The following HDGFL2 variants were observed in gnomAD, a reference collection of about 807,000 sequenced individuals.
HDGFL2 encodes the protein HDGF like 2, also known as hepatoma-derived growth factor-related protein 2.
Under a neutral mutation model 77.1 loss-of-function variants are expected in HDGFL2, and 36 were observed. The observed-to-expected ratio is 0.47, with a 90% CI of 0.36 to 0.62. The LOEUF is 0.62. Among genes scored for constraint, HDGFL2 ranks in the 20% least tolerant of loss-of-function variants. The pLI is 0.00. For missense variants in HDGFL2, 976 were observed against 973.4 expected (o/e 1.00, Z -0.04); for synonymous variants, 463 against 413.1 (o/e 1.12, Z -1.46).
intron 3 of HDGFL2, among the ~76,000 whole-genome samples, chr19:4,481,108 G>A (rs1225697060): frequency 3.1e-4 from 45 of 147,290 alleles, no homozygotes; most frequent in Non-Finnish European, 5.2e-4. Flanking sequence ...TACAAGCTCC[G>A]CCTCCTGGGT....
At chr19:4,492,125 C>T (rs970235764) in intron 6 of HDGFL2, among the ~76,000 whole-genome samples, 1 of 152,046 alleles carries the variant, frequency 6.6e-6, no homozygotes, top group Admixed American at 6.6e-5. Flanking sequence ...AGCAAGAGCG[C>T]GAGAGGGACA....
intron 10 of HDGFL2, chr19:4,497,180 A>T (rs1170147072): frequency 2.4e-6 from 1 of 416,816 alleles, no homozygotes; most frequent in Non-Finnish European, 4.6e-6. Flanking sequence ...GCTGCAGCCC[A>T]CGTTTTTGTT....
At chr19:4,473,561 G>A (rs1397944854) in intron 1 of HDGFL2, among the ~76,000 whole-genome samples, 2 of 151,726 alleles carry the variant, frequency 1.3e-5, no homozygotes, top group African/African-American at 4.8e-5. Flanking sequence ...GTGGGTCCTG[G>A]AGAAGCCCAG....
At chr19:4,487,420 C>CA (rs1975391057) in intron 3 of HDGFL2, among the ~76,000 whole-genome samples, 1 of 152,008 alleles carries the variant, frequency 6.6e-6, no homozygotes, top group African/African-American at 2.4e-5. Flanking sequence ...CCACACCTTG[C>CA]TAATATGTGC....
intron 3 of HDGFL2, among the ~76,000 whole-genome samples, chr19:4,484,668 T>A (rs1056166702): frequency 1.7e-5 from 1 of 59,898 alleles, no homozygotes; most frequent in African/African-American, 1.0e-4. Flanking sequence ...CCTGGCTAAT[T>A]TTTTTTTTTT....
intron 9 of HDGFL2, among the ~76,000 whole-genome samples, chr19:4,495,135 C>A (rs548957821): frequency 2.0e-5 from 3 of 152,242 alleles, no homozygotes; most frequent in African/African-American, 7.2e-5. Flanking sequence ...CGCCTGTAAT[C>A]CCAGCACTCT....
chr19:4,480,226 C>T (rs1249970558), intron 3 of HDGFL2, among the ~76,000 whole-genome samples: 1 of 152,150 alleles, frequency 6.6e-6, no homozygotes, highest in Non-Finnish European at 1.5e-5. Context: ...GGTAGAGAGA[C>T]CTGTCCAGGG....
At position 4,491,780 on chromosome 19, in the gene HDGFL2, A is replaced by C; in HGVS notation, c.623A>C (p.Lys208Thr). ...KTSDQDFTPE[K>T]KAAVRAPRRG... is the part of the protein sequence containing the mutation. The stretch of plus-strand genomic sequence containing the variant: ...CTCCCCCAGGACTTCACACCTGAGA[A>C]GAAAGCAGCGGTCCGGGCGCCACGG... Residue 208 changes from lysine to threonine, a missense_variant, in exon 6 of 16, where the codon AAG becomes ACG. Coordinates refer to ENST00000616600, the MANE Select transcript of HDGFL2 (RefSeq NM_001001520.3). 1 of 1,614,096 alleles carries C rather than the reference A, an allele frequency of 6.2e-7. No individual in the cohort carries two copies. The highest frequency in any genetic ancestry group is 1.1e-5 in the South Asian group (1 of 91,090).
At chr19:4,485,120 C>T (rs894313040) in intron 3 of HDGFL2, among the ~76,000 whole-genome samples, 3 of 152,088 alleles carry the variant, frequency 2.0e-5, no homozygotes, top group Non-Finnish European at 4.4e-5. Context: ...ATATTTTCAA[C>T]GCTTCACAAA....
intron 9 of HDGFL2, among the ~76,000 whole-genome samples, chr19:4,494,969 C>T (rs1333612477): frequency 6.6e-6 from 1 of 151,840 alleles, no homozygotes; most frequent in African/African-American, 2.4e-5. Context: ...GAGGGTAGTG[C>T]GTGCTGTCCG....
intron 3 of HDGFL2, among the ~76,000 whole-genome samples, chr19:4,484,067 G>C (rs1975293982): frequency 6.6e-6 from 1 of 150,820 alleles, no homozygotes; most frequent in Admixed American, 6.6e-5. Flanking sequence ...GGGATTACAG[G>C]CGTGAGCCAC....
intron 3 of HDGFL2, among the ~76,000 whole-genome samples, chr19:4,480,598 G>C (rs1419565042): frequency 2.6e-5 from 4 of 152,078 alleles, no homozygotes; most frequent in African/African-American, 9.7e-5. Flanking sequence ...GGGTGCCTGT[G>C]ATCCCAGCTA....
Position 4,501,627 on chromosome 19 carries a change from C to T in HDGFL2, c.1917-284C>T, listed in dbSNP as rs569256729. ...CGAGCACGGGCACCCGGCTATCTGACGGTGCCTGTGCCCATCACTGTGGGC... is the reference window on the plus strand; with the variant it reads ...CGAGCACGGGCACCCGGCTATCTGATGGTGCCTGTGCCCATCACTGTGGGC... On this transcript the variant is annotated intron_variant, in intron 15 of 15. Coordinates refer to ENST00000616600, the MANE Select transcript of HDGFL2 (RefSeq NM_001001520.3). 112 of 473,896 alleles carry T rather than the reference C, an allele frequency of 2.4e-4. 2 individuals carry two copies. In the East Asian group the frequency reaches 3.4e-3, roughly 14 times the overall value. 29.4% of individuals were successfully genotyped at this position (473,896 alleles called of 1,614,324 possible). A position where few individuals can be genotyped will look rare whatever the true frequency, so the allele number is the denominator to read the frequency against.
chr19:4,485,425 C>A (rs991647212), intron 3 of HDGFL2, among the ~76,000 whole-genome samples: 1 of 151,970 alleles, frequency 6.6e-6, no homozygotes, highest in African/African-American at 2.4e-5. Context: ...GGGTTTTTTT[C>A]AGAGAATGTG....
chr19:4,479,208 T>C (rs1215598973), intron 3 of HDGFL2, among the ~76,000 whole-genome samples: 1 of 151,542 alleles, frequency 6.6e-6, no homozygotes, highest in Non-Finnish European at 1.5e-5. Context: ...TCCCAGCACT[T>C]TGGGAGACTG....
In HDGFL2 at chr19:4,489,280, A is replaced by G. The variant is rs7260476; in HGVS notation, c.489+404A>G. Among the ~76,000 whole-genome samples, 270 of 131,130 alleles carry G rather than the reference A, an allele frequency of 2.1e-3. 2 individuals are homozygous for G. Among genetic ancestry groups the G allele is most frequent in the African/African-American group, 7.8e-3 (267 of 34,366 alleles). 86.0% of individuals were successfully genotyped at this position (131,130 alleles called of 152,430 possible). Reference sequence around the variant, plus strand: ...CTTTCTTTTTTTTTTTTTGAGATGGAGTTCCCTCTGTCACCCAGGCGGGAG... The same window carrying G: ...CTTTCTTTTTTTTTTTTTGAGATGGGGTTCCCTCTGTCACCCAGGCGGGAG... On this transcript the variant is annotated intron_variant, in intron 4 of 15. Transcript: ENST00000616600.
rs1312688170 is a variant in HDGFL2 at position 4,498,271 on chromosome 19, C to T, written c.1403-35C>T. On this transcript the variant is annotated intron_variant, in intron 11 of 15. Transcript: ENST00000616600. ...GAACAGCTGGCCCCCTGTGGCCCTG[C>T]CTGGGCCCACACGGTGCTCTCTCTC... 2.5e-6 allele frequency: 4 copies of T among 1,575,040 alleles called. No homozygotes were observed. In the South Asian group the frequency reaches 3.3e-5, roughly 13 times the overall value.
intron 15 of HDGFL2, 188 bp from the exon 16 acceptor site, chr19:4,501,723 C>T (rs994032492): frequency 3.0e-5 from 16 of 528,984 alleles, no homozygotes; most frequent in South Asian, 5.9e-5. Context: ...GCCTGGCTGG[C>T]GCCAGCGTGG....
intron 6 of HDGFL2, among the ~76,000 whole-genome samples, chr19:4,493,171 GGT>G (rs1333790401): frequency 9.7e-5 from 13 of 133,652 alleles, no homozygotes; most frequent in African/African-American, 3.8e-4. Flanking sequence ...GTCTGTGTGT[GGT>G]GTGTGCGTGG....
Sources: gnomAD v4.1 joint callset for allele counts (sites outside exome capture counted in the v4.1 genomes callset) on GRCh38, gnomAD v4.1.1 for gene constraint, MANE v1.5 for transcripts, NCBI Gene and HGNC (gene_info 2026-07-23, HGNC 2026-07-21) for gene names.